KIF21A: variants seen among roughly 807,000 people sequenced by gnomAD.
KIF21A encodes kinesin family member 21A, also known as kinesin-like protein KIF21A.
In KIF21A, 114 loss-of-function variants were observed where a neutral mutation model predicts 202.9. The observed-to-expected ratio is 0.56, with a 90% CI of 0.48 to 0.66. The LOEUF (loss-of-function observed/expected upper bound fraction) is 0.66. Among genes scored for constraint, KIF21A ranks in the 30% least tolerant of loss-of-function variants. The pLI is 0.00. For missense variants in KIF21A, 1,677 were observed against 1,994.9 expected (o/e 0.84, Z 3.04); for synonymous variants, 667 against 670.8 (o/e 0.99, Z 0.09).
chr12:39,347,953 C>T (rs570855330), intron 11 of KIF21A, among the ~76,000 whole-genome samples: 1 of 152,130 alleles, frequency 6.6e-6, no homozygotes, highest in Non-Finnish European at 1.5e-5. Flanking sequence ...CTACTCTACG[C>T]CTATACTAAT....
intron 27 of KIF21A, among the ~76,000 whole-genome samples, chr12:39,320,732 C>A (rs1211076875): frequency 1.3e-5 from 2 of 150,780 alleles, no homozygotes; most frequent in Non-Finnish European, 3.0e-5. Flanking sequence ...GTCATGAGTT[C>A]AAAACCAGCC....
intron 1 of KIF21A, among the ~76,000 whole-genome samples, chr12:39,409,389 C>CA (rs146230839): frequency 0.1 from 15,136 of 145,760 alleles, 1,763 homozygotes; most frequent in African/African-American, 0.29. Context: ...ATTAAAAAAA[C>CA]AAAAAAAAAG....
At chr12:39,365,224 A>G (rs1312072835) in intron 6 of KIF21A, among the ~76,000 whole-genome samples, 1 of 152,192 alleles carries the variant, frequency 6.6e-6, no homozygotes, top group African/African-American at 2.4e-5. Flanking sequence ...TGGAGAGACT[A>G]ATTTGAGTAA....
At chr12:39,361,138 T>A (rs192508321) in intron 7 of KIF21A, among the ~76,000 whole-genome samples, 2 of 152,334 alleles carry the variant, frequency 1.3e-5, no homozygotes, top group Non-Finnish European at 2.9e-5. Context: ...TGAAAATATC[T>A]TAGACCACTT....
chr12:39,329,761 A>G (rs1946339681), intron 24 of KIF21A, among the ~76,000 whole-genome samples: 1 of 152,176 alleles, frequency 6.6e-6, no homozygotes, highest in Non-Finnish European at 1.5e-5. Flanking sequence ...TCCTTTGGAT[A>G]GTTTTGTTCA....
chr12:39,381,454 C>A (rs1846240684), intron 1 of KIF21A, among the ~76,000 whole-genome samples: 1 of 152,006 alleles, frequency 6.6e-6, no homozygotes, highest in South Asian at 2.1e-4. Context: ...TTTCATCTTG[C>A]TTCCTAGAAA....
intron 31 of KIF21A, among the ~76,000 whole-genome samples, chr12:39,314,667 T>G (rs1259922399): frequency 6.6e-6 from 1 of 151,828 alleles, no homozygotes; most frequent in Admixed American, 6.6e-5. Flanking sequence ...AAAGGTTTCT[T>G]TCCTTCAGAT....
chr12:39,335,798 C>A (rs573788145), intron 17 of KIF21A, among the ~76,000 whole-genome samples: 1 of 152,264 alleles, frequency 6.6e-6, no homozygotes, highest in East Asian at 1.9e-4. Flanking sequence ...CAGGAATTAA[C>A]TGTGACAAAT....
chr12:39,360,849 T>G (rs1949154132), intron 7 of KIF21A, among the ~76,000 whole-genome samples: 2 of 152,248 alleles, frequency 1.3e-5, no homozygotes, highest in Admixed American at 6.5e-5. Context: ...CATATGGAGC[T>G]TATTTTCAAA....
chr12:39,409,180 C>T (rs1489619314), intron 1 of KIF21A, among the ~76,000 whole-genome samples: 1 of 151,530 alleles, frequency 6.6e-6, no homozygotes, highest in Non-Finnish European at 1.5e-5. Flanking sequence ...TTTTCCAAAA[C>T]TAACGAAAGA....
intron 10 of KIF21A, among the ~76,000 whole-genome samples, chr12:39,354,364 C>T (rs775573017): frequency 2.1e-4 from 32 of 151,986 alleles, no homozygotes; most frequent in Non-Finnish European, 4.0e-4. Context: ...GTGTCATTTA[C>T]GTTAAAGTAT....
In KIF21A at chr12:39,440,336, C is replaced by G. The variant is rs534676556; in HGVS notation, c.44+2591G>C. ...AACTTGGGCTACTGAGTCAAGCTATCTGGGTTGGAACCCTGGCTCTCTCAT... is the reference window on the plus strand; with the variant it reads ...AACTTGGGCTACTGAGTCAAGCTATGTGGGTTGGAACCCTGGCTCTCTCAT... On this transcript the variant is annotated intron_variant, in intron 1 of 37. Coordinates refer to ENST00000361418, the MANE Select transcript of KIF21A (RefSeq NM_001173464.2). 7.2e-5 allele frequency among the ~76,000 whole-genome samples: 11 copies of G among 152,332 alleles called. No homozygotes were observed. The East Asian group carries it at 2.1e-3, about 29-fold the overall frequency.
At chr12:39,334,667 G>A (rs1307754985) in intron 17 of KIF21A, among the ~76,000 whole-genome samples, 1 of 152,148 alleles carries the variant, frequency 6.6e-6, no homozygotes. Flanking sequence ...GTATATAAAT[G>A]TCACCCTGAA....
intron 1 of KIF21A, among the ~76,000 whole-genome samples, chr12:39,384,919 C>A (rs1161800020): frequency 2.0e-5 from 3 of 152,306 alleles, no homozygotes; most frequent in South Asian, 4.1e-4. Context: ...CTAAATGCCA[C>A]TCTCATGGCC....
chr12:39,377,435 C>T (rs780708662), intron 1 of KIF21A, among the ~76,000 whole-genome samples: 9 of 152,162 alleles, frequency 5.9e-5, no homozygotes, highest in East Asian at 1.9e-4. Flanking sequence ...AAATCCTCCT[C>T]TAGTTCATTC....
intron 7 of KIF21A, among the ~76,000 whole-genome samples, chr12:39,361,966 G>T (rs1283973070): frequency 6.6e-6 from 1 of 152,160 alleles, no homozygotes. Context: ...TGGGGCCTTG[G>T]TGGGAGGTGA....
chr12:39,310,393 C>G (rs562138502), intron 32 of KIF21A, among the ~76,000 whole-genome samples: 1 of 151,998 alleles, frequency 6.6e-6, no homozygotes, highest in Admixed American at 6.6e-5. Context: ...TAAGTTCTAG[C>G]TGGGATCTTA....
intron 37 of KIF21A, among the ~76,000 whole-genome samples, chr12:39,297,228 C>A (rs911918423): frequency 2.6e-5 from 4 of 152,082 alleles, no homozygotes; most frequent in African/African-American, 9.7e-5. Flanking sequence ...GCAGCCATCC[C>A]ATTACTGGGT....
At position 39,294,042 on chromosome 12, in the gene KIF21A, T is replaced by TA. The variant is rs1942068740; in HGVS notation, c.*381dup. 1 of 191,506 alleles carries TA rather than the reference T, an allele frequency of 5.2e-6. No homozygotes were observed. Among genetic ancestry groups the TA allele is most frequent in the Non-Finnish European group, 1.1e-5 (1 of 92,456 alleles). The allele number at this position is 191,506 out of a possible 1,614,324, so 11.9% of individuals were successfully genotyped here. The stretch of plus-strand genomic sequence containing the variant: ...AGTTTAAATACATAAATCACTTGAA[T>TA]AAACTACATGAATGAGTTAATGGTG... On this transcript the variant is annotated 3_prime_UTR_variant, in exon 38 of 38. Coordinates refer to ENST00000361418, the MANE Select transcript of KIF21A (RefSeq NM_001173464.2).
Sources: gnomAD v4.1 joint callset for allele counts (sites outside exome capture counted in the v4.1 genomes callset) on GRCh38, gnomAD v4.1.1 for gene constraint, MANE v1.5 for transcripts, NCBI Gene and HGNC (gene_info 2026-07-23, HGNC 2026-07-21) for gene names.